The following DHRS3 variants were observed in gnomAD, a reference collection of about 807,000 sequenced individuals.
The protein encoded by DHRS3 is short-chain dehydrogenase/reductase 3.
In DHRS3, 14 loss-of-function variants were observed where a neutral mutation model predicts 27.2. The ratio of observed to expected loss-of-function variants is 0.52; its 90% CI spans 0.34 to 0.81. The LOEUF is 0.81. Among genes scored for constraint, DHRS3 ranks in the 30% least tolerant of loss-of-function variants. DHRS3 has a pLI of 0.01. For synonymous variants in DHRS3, 165 were observed against 175.9 expected (o/e 0.94, Z 0.49); for missense variants, 322 against 406.2 (o/e 0.79, Z 1.78).
intron 1 of DHRS3, among the ~76,000 whole-genome samples, chr1:12,588,850 C>T (rs113375875): frequency 0.087 from 13,283 of 152,254 alleles, 607 homozygotes; most frequent in Non-Finnish European, 0.11. Flanking sequence ...TAATTGGCAG[C>T]CCCTGAAAGA....
chr1:12,569,227 T>TCACACACACACACACA lies in DHRS3; in HGVS notation c.825-804_825-803insTGTGTGTGTGTGTGTG, dbSNP rs1557509296. Among the ~76,000 whole-genome samples, 336 of 135,970 alleles carry TCACACACACACACACA rather than the reference T, an allele frequency of 2.5e-3. 1 individual carries two copies. The highest frequency in any genetic ancestry group is 8.5e-3 in the African/African-American group (318 of 37,376). 89.2% of individuals were successfully genotyped at this position (135,970 alleles called of 152,430 possible). ...AGTAAAACTCTGTCCCCTCTCTCTC[T>TCACACACACACACACA]CTCTCACACACACACACACACACAC... On this transcript the variant is annotated intron_variant, in intron 5 of 5. Transcript: ENST00000616661.
chr1:12,577,290 A>G (rs1646598070), intron 4 of DHRS3, among the ~76,000 whole-genome samples: 1 of 152,172 alleles, frequency 6.6e-6, no homozygotes, highest in African/African-American at 2.4e-5. Flanking sequence ...TGTACCACAC[A>G]CGGTGTTCCC....
At chr1:12,583,493 T>TATCCATCC (rs70987256) in intron 1 of DHRS3, among the ~76,000 whole-genome samples, 28 of 86,786 alleles carry the variant, frequency 3.2e-4, no homozygotes, top group African/African-American at 1.3e-3. Flanking sequence ...CTCACCTACT[T>TATCCATCC]ATCCATCCAT....
At chr1:12,597,912 C>T (rs559593373) in intron 1 of DHRS3, among the ~76,000 whole-genome samples, 1 of 152,234 alleles carries the variant, frequency 6.6e-6, no homozygotes, top group South Asian at 2.1e-4. Context: ...CTGGGTCACA[C>T]CCAGGAAGCC....
intron 4 of DHRS3, among the ~76,000 whole-genome samples, chr1:12,573,184 C>A (rs1646554793): frequency 6.6e-6 from 1 of 151,812 alleles, no homozygotes; most frequent in Non-Finnish European, 1.5e-5. Context: ...CTTCTGAGTC[C>A]TTTTCCCTAC....
intron 2 of DHRS3, 196 bp downstream of exon 2, chr1:12,580,327 C>T (rs191756416): frequency 5.4e-5 from 36 of 666,944 alleles, no homozygotes; most frequent in African/African-American, 1.4e-4. Context: ...CAGATGATTA[C>T]GCCTGTTACG....
intron 1 of DHRS3, among the ~76,000 whole-genome samples, chr1:12,603,203 C>A (rs1039900522): frequency 6.6e-6 from 1 of 152,006 alleles, no homozygotes; most frequent in South Asian, 2.1e-4. Context: ...AAAGCCCAAG[C>A]GAACTAGAGG....
At chr1:12,606,136 C>CAAAAAAAAA (rs35154933) in intron 1 of DHRS3, among the ~76,000 whole-genome samples, 8 of 106,798 alleles carry the variant, frequency 7.5e-5, no homozygotes, top group East Asian at 2.7e-4. Flanking sequence ...GACTCTGTCT[C>CAAAAAAAAA]AAAAAAAAAA....
At chr1:12,606,085 C>T (rs149175760) in intron 1 of DHRS3, among the ~76,000 whole-genome samples, 1,969 of 143,500 alleles carry the variant, frequency 0.014, 29 homozygotes, top group Non-Finnish European at 0.023. Context: ...TTGCAGTGAG[C>T]TGAGATCATG....
chr1:12,568,431 T>C lies in DHRS3; in HGVS notation c.825-7A>G, dbSNP rs1386145573. 1 of 1,612,554 alleles carries C rather than the reference T, an allele frequency of 6.2e-7. No homozygotes were observed. Among genetic ancestry groups the C allele is most frequent in the African/African-American group, 1.3e-5 (1 of 74,830 alleles). ...TGCAGCCTGTGGAAGTATGCTGGAG[T>C]AGGAGGAAGAAAAGAAGATAGCGAT... On this transcript the variant is annotated splice_polypyrimidine_tract_variant and splice_region_variant and intron_variant, in intron 5 of 5. Coordinates refer to ENST00000616661, the MANE Select transcript of DHRS3 (RefSeq NM_004753.7).
intron 1 of DHRS3, among the ~76,000 whole-genome samples, chr1:12,615,855 T>A (rs1339549079): frequency 6.6e-6 from 1 of 151,938 alleles, no homozygotes; most frequent in Non-Finnish European, 1.5e-5. Context: ...GCTTCCCAAC[T>A]CCCCCTCCAA....
intron 1 of DHRS3, among the ~76,000 whole-genome samples, chr1:12,600,990 TG>T (rs920704831): frequency 1.5e-4 from 12 of 80,602 alleles, no homozygotes; most frequent in African/African-American, 5.6e-4. Flanking sequence ...GGTGGGGGGT[TG>T]GGGGGCGCGG....
At chr1:12,585,213 CTCTGTGTG>C (rs1224152381) in intron 1 of DHRS3, among the ~76,000 whole-genome samples, 1 of 135,430 alleles carries the variant, frequency 7.4e-6, no homozygotes, top group East Asian at 2.9e-4. Flanking sequence ...GTCTGTGTAT[CTCTGTGTG>C]TGTGTGTCTA....
chr1:12,612,632 C>A (rs1376878299), intron 1 of DHRS3, among the ~76,000 whole-genome samples: 1 of 152,200 alleles, frequency 6.6e-6, no homozygotes, highest in Non-Finnish European at 1.5e-5. Context: ...CCAAACTTCA[C>A]GCCCATCCAG....
intron 1 of DHRS3, among the ~76,000 whole-genome samples, chr1:12,611,857 CAAG>C (rs989989911): frequency 1.3e-5 from 2 of 151,550 alleles, no homozygotes; most frequent in Non-Finnish European, 2.9e-5. Context: ...TTTGGAAGGT[CAAG>C]AAGGAAGGAT....
At chr1:12,569,533 A>G (rs900658637) in intron 5 of DHRS3, among the ~76,000 whole-genome samples, 1 of 152,016 alleles carries the variant, frequency 6.6e-6, no homozygotes, top group Admixed American at 6.6e-5. Flanking sequence ...AAACAATCCA[A>G]CTATACTCTT....
At chr1:12,576,084 T>C (rs1055674052) in intron 4 of DHRS3, among the ~76,000 whole-genome samples, 22 of 152,116 alleles carry the variant, frequency 1.4e-4, no homozygotes, top group Admixed American at 7.9e-4. Context: ...TTGGCCAAGG[T>C]CACACAGAGC....
chr1:12,587,160 T>TTTTTA (rs1327860699), intron 1 of DHRS3, among the ~76,000 whole-genome samples: 1 of 150,950 alleles, frequency 6.6e-6, no homozygotes, highest in Admixed American at 6.6e-5. Context: ...TTTTTTTTTT[T>TTTTTA]GAGACAGAGT....
chr1:12,617,072 G>T, intron 1 of DHRS3, 82 bp downstream of exon 1: 1 of 1,453,956 alleles, frequency 6.9e-7, no homozygotes, highest in South Asian at 1.3e-5. Flanking sequence ...CAGCTCCCGG[G>T]CGCGGGATCC....
Sources: allele counts gnomAD v4.1 joint callset (sites outside exome capture counted in the v4.1 genomes callset), GRCh38; gene constraint gnomAD v4.1.1; transcripts MANE v1.5; gene names NCBI Gene and HGNC (gene_info 2026-07-23, HGNC 2026-07-21).